ZNF804A: variants seen among roughly 807,000 people sequenced by gnomAD.
The protein encoded by ZNF804A is zinc finger protein 804A.
In ZNF804A, 2 loss-of-function variants were observed where a neutral mutation model predicts 16.5. The ratio of observed to expected loss-of-function variants is 0.12; its 90% confidence interval spans 0.05 to 0.38. The LOEUF is 0.38. Among genes scored for constraint, ZNF804A ranks in the 10% least tolerant of loss-of-function variants. The pLI is 0.99. For synonymous variants in ZNF804A, 534 were observed against 489.6 expected (o/e 1.09, Z -1.20); for missense variants, 1,473 against 1,390.7 (o/e 1.06, Z -0.94).
chr2:184,845,991 T>A (rs1695508608), intron 1 of ZNF804A, among the ~76,000 whole-genome samples: 1 of 152,136 alleles, frequency 6.6e-6, no homozygotes, highest in African/African-American at 2.4e-5. Context: ...TTTAAGATGG[T>A]ATTTTACCCC....
intron 1 of ZNF804A, among the ~76,000 whole-genome samples, chr2:184,765,322 TG>T (rs1435737775): frequency 3.3e-5 from 5 of 152,136 alleles, no homozygotes; most frequent in Non-Finnish European, 7.3e-5. Context: ...GCACCCCTCC[TG>T]TCGTCTTATG....
At chr2:184,842,702 G>A (rs1168828453) in intron 1 of ZNF804A, among the ~76,000 whole-genome samples, 1 of 152,046 alleles carries the variant, frequency 6.6e-6, no homozygotes, top group Non-Finnish European at 1.5e-5. Flanking sequence ...ATAATTGCAT[G>A]AAATTAGATT....
chr2:184,733,880 A>T, intron 1 of ZNF804A, among the ~76,000 whole-genome samples: 1 of 150,112 alleles, frequency 6.7e-6, no homozygotes, highest in Admixed American at 6.6e-5. Context: ...TTAATTTCTA[A>T]TTTTAGCAAT....
At chr2:184,883,341 G>C (rs1188626238) in intron 2 of ZNF804A, among the ~76,000 whole-genome samples, 1 of 151,922 alleles carries the variant, frequency 6.6e-6, no homozygotes, top group African/African-American at 2.4e-5. Context: ...CATTCTATGA[G>C]ACATATAAAG....
At chr2:184,636,321 T>A (rs74530737) in intron 1 of ZNF804A, among the ~76,000 whole-genome samples, 59 of 147,724 alleles carry the variant, frequency 4.0e-4, no homozygotes, top group East Asian at 5.9e-4. Context: ...TGTGTGTGTG[T>A]GAGAGAGAGA....
At chr2:184,681,092 G>A (rs1480431316) in intron 1 of ZNF804A, among the ~76,000 whole-genome samples, 1 of 152,212 alleles carries the variant, frequency 6.6e-6, no homozygotes, top group Non-Finnish European at 1.5e-5. Context: ...TTCCTGGCTT[G>A]CCCTTGGAAG....
chr2:184,602,283 G>A (rs537785379), intron 1 of ZNF804A, among the ~76,000 whole-genome samples: 1 of 151,906 alleles, frequency 6.6e-6, no homozygotes, highest in African/African-American at 2.4e-5. Context: ...CAAAAAGAAA[G>A]GTCAACCTAT....
At chr2:184,902,002 A>T (rs1334091185) in intron 2 of ZNF804A, 3 of 152,086 alleles carry the variant, frequency 2.0e-5, no homozygotes, top group Admixed American at 2.0e-4. Flanking sequence ...TTCAAATTAT[A>T]CTTAAAGACA....
chr2:184,790,691 C>T (rs930630025), intron 1 of ZNF804A, among the ~76,000 whole-genome samples: 9 of 152,002 alleles, frequency 5.9e-5, no homozygotes, highest in Admixed American at 5.9e-4. Context: ...GCAAGCTCCC[C>T]CTCCTAGGTT....
At chr2:184,815,670 C>T (rs763377131) in intron 1 of ZNF804A, among the ~76,000 whole-genome samples, 37 of 151,584 alleles carry the variant, frequency 2.4e-4, no homozygotes, top group Non-Finnish European at 4.7e-4. Context: ...TACTAATGTA[C>T]GGATTCATAG....
chr2:184,694,814 G>A (rs144273432), intron 1 of ZNF804A, among the ~76,000 whole-genome samples: 181 of 152,258 alleles, frequency 1.2e-3, no homozygotes, highest in African/African-American at 4.0e-3. Context: ...TCTTACTCAA[G>A]AGAGAGGAAG....
At chr2:184,642,120 C>G (rs1268132304) in intron 1 of ZNF804A, among the ~76,000 whole-genome samples, 1 of 152,064 alleles carries the variant, frequency 6.6e-6, no homozygotes, top group Non-Finnish European at 1.5e-5. Flanking sequence ...TAGAAAGACC[C>G]CCAAATACAT....
chr2:184,728,969 G>A (rs553934558), intron 1 of ZNF804A, among the ~76,000 whole-genome samples: 1 of 151,978 alleles, frequency 6.6e-6, no homozygotes, highest in Non-Finnish European at 1.5e-5. Context: ...GATTTTACTT[G>A]TATGTGGGAT....
intron 1 of ZNF804A, among the ~76,000 whole-genome samples, chr2:184,800,827 T>C (rs1024303043): frequency 3.7e-4 from 56 of 152,116 alleles, no homozygotes; most frequent in African/African-American, 1.3e-3. Context: ...AACCACCCAA[T>C]ATATAGTCAA....
intron 1 of ZNF804A, among the ~76,000 whole-genome samples, chr2:184,846,595 A>G (rs985079097): frequency 4.6e-5 from 7 of 152,050 alleles, no homozygotes; most frequent in African/African-American, 7.2e-5. Context: ...TGTTTGCCTT[A>G]AGAGATTAAA....
chr2:184,907,472 C>T (rs988632505), intron 2 of ZNF804A, among the ~76,000 whole-genome samples: 1 of 152,098 alleles, frequency 6.6e-6, no homozygotes, highest in Non-Finnish European at 1.5e-5. Flanking sequence ...TATTACATAT[C>T]CCATATACAG....
chr2:184,741,325 A>G (rs1270564011), intron 1 of ZNF804A, among the ~76,000 whole-genome samples: 1 of 152,222 alleles, frequency 6.6e-6, no homozygotes, highest in Non-Finnish European at 1.5e-5. Context: ...AGTTGCAGAC[A>G]GCACTAACTT....
chr2:184,874,409 AT>A (rs1248404967), intron 2 of ZNF804A, among the ~76,000 whole-genome samples: 2 of 152,124 alleles, frequency 1.3e-5, no homozygotes, highest in Non-Finnish European at 1.5e-5. Context: ...AAGCCAGGAA[AT>A]ATCATAATAA....
At chr2:184,835,635 G>T (rs1381919444) in intron 1 of ZNF804A, among the ~76,000 whole-genome samples, 1 of 146,292 alleles carries the variant, frequency 6.8e-6, no homozygotes, top group Non-Finnish European at 1.5e-5. Flanking sequence ...AAATGAGAGA[G>T]AAATAATTCA....
Sources: gnomAD v4.1 joint callset for allele counts (sites outside exome capture counted in the v4.1 genomes callset) on GRCh38, gnomAD v4.1.1 for gene constraint, MANE v1.5 for transcripts, NCBI Gene and HGNC (gene_info 2026-07-23, HGNC 2026-07-21) for gene names.